Variants in TBC1D4 observed in about 807,000 individuals in gnomAD.
The protein encoded by TBC1D4 is TBC (Tre-2, BUB2, CDC16) domain-containing protein.
TBC1D4 carries 121 observed loss-of-function variants against 142.5 expected under a neutral mutation model. The observed-to-expected ratio is 0.85, with a 90% CI of 0.73 to 0.99. The LOEUF (loss-of-function observed/expected upper bound fraction) is 0.99, where lower values mean the gene tolerates loss of function less well. Among genes scored for constraint, TBC1D4 ranks in the 50% least tolerant of loss-of-function variants. The pLI is 0.00. For missense variants in TBC1D4, 1,475 were observed against 1,606.6 expected, an observed-to-expected ratio of 0.92 and a Z score of 1.40; for synonymous variants, 630 against 628.2, an observed-to-expected ratio of 1.00 and a Z score of -0.04.
At position 75,457,296 on chromosome 13, in the gene TBC1D4, T is replaced by C. The variant is rs538733844; in HGVS notation, c.498+23974A>G. On this transcript the variant is annotated intron_variant, in intron 1 of 20. Coordinates refer to ENST00000377636, the MANE Select transcript of TBC1D4 (RefSeq NM_014832.5). ...ATACTGACAGACCTTAGGGCCAGGGTCCTCTATTGATACTTTTGCCCAGAT... is the reference window on the plus strand; with the variant it reads ...ATACTGACAGACCTTAGGGCCAGGGCCCTCTATTGATACTTTTGCCCAGAT... Among the ~76,000 whole-genome samples the C allele has an allele frequency of 2.0e-5, 3 of 152,162 alleles. No homozygotes were observed. The East Asian group carries it at 5.8e-4, about 29-fold the overall frequency.
chr13:75,457,880 AG>A (rs1887803936), intron 1 of TBC1D4, among the ~76,000 whole-genome samples: 1 of 152,156 alleles, frequency 6.6e-6, no homozygotes, highest in African/African-American at 2.4e-5. Flanking sequence ...CTCCTCTGCT[AG>A]GTCAGCCCTG....
At chr13:75,375,385 A>G (rs1593810185) in intron 1 of TBC1D4, 1 of 152,208 alleles carries the variant, frequency 6.6e-6, no homozygotes, top group East Asian at 1.9e-4. Flanking sequence ...TAACCAGTAC[A>G]CAACTCTGGG....
In TBC1D4 at chr13:75,448,876, T is replaced by C. The variant is rs80162057; in HGVS notation, c.498+32394A>G. The stretch of plus-strand genomic sequence containing the variant: ...ATAATAAACTTTAGCAACTGCTTCT[T>C]TAAAAATGAATGAAACCAGTCTTTG... On this transcript the variant is annotated intron_variant, in intron 1 of 20. Coordinates refer to ENST00000377636, the MANE Select transcript of TBC1D4 (RefSeq NM_014832.5). 1.6e-3 allele frequency among the ~76,000 whole-genome samples: 248 copies of C among 152,180 alleles called. 1 individual carries two copies. Among genetic ancestry groups the C allele is most frequent in the African/African-American group, 5.8e-3 (239 of 41,558 alleles).
intron 1 of TBC1D4, among the ~76,000 whole-genome samples, chr13:75,452,588 C>A (rs1035638255): frequency 1.3e-5 from 2 of 152,106 alleles, no homozygotes; most frequent in Non-Finnish European, 2.9e-5. Context: ...TAAGAACCTG[C>A]CAACTAATTT....
At chr13:75,356,788 T>C (rs1050528424) in intron 3 of TBC1D4, among the ~76,000 whole-genome samples, 5 of 152,172 alleles carry the variant, frequency 3.3e-5, no homozygotes, top group Non-Finnish European at 1.5e-5. Flanking sequence ...TTATTGCAGG[T>C]GCCAATTATC....
At chr13:75,459,178 G>A (rs936811158) in intron 1 of TBC1D4, among the ~76,000 whole-genome samples, 1 of 152,142 alleles carries the variant, frequency 6.6e-6, no homozygotes, top group South Asian at 2.1e-4. Context: ...CCAGCCTAGG[G>A]CAAGCAATGC....
At chr13:75,295,068 C>T in intron 17 of TBC1D4, 55 bp from the exon 18 acceptor site, 1 of 1,482,934 alleles carries the variant, frequency 6.7e-7, no homozygotes, top group South Asian at 1.2e-5. Context: ...GCATGTGCAT[C>T]AAACACACTG....
At chr13:75,410,121 A>C (rs184172032) in intron 1 of TBC1D4, among the ~76,000 whole-genome samples, 1 of 152,338 alleles carries the variant, frequency 6.6e-6, no homozygotes, top group Admixed American at 6.5e-5. Context: ...TAATGTACGT[A>C]AATAACGGTG....
At chr13:75,465,407 GTGAATGAA>G (rs936941141) in intron 1 of TBC1D4, among the ~76,000 whole-genome samples, 10 of 152,320 alleles carry the variant, frequency 6.6e-5, no homozygotes, top group African/African-American at 1.9e-4. Context: ...GAATGAGCAA[GTGAATGAA>G]TGAATGAATG....
At chr13:75,365,656 A>G (rs1330278167) in intron 1 of TBC1D4, among the ~76,000 whole-genome samples, 1 of 152,226 alleles carries the variant, frequency 6.6e-6, no homozygotes, top group Non-Finnish European at 1.5e-5. Flanking sequence ...ATTTACAAAT[A>G]TTGTTGAACG....
At chr13:75,415,243 A>T (rs1230661351) in intron 1 of TBC1D4, among the ~76,000 whole-genome samples, 1 of 152,160 alleles carries the variant, frequency 6.6e-6, no homozygotes, top group African/African-American at 2.4e-5. Flanking sequence ...AATTGGTTTT[A>T]GACATACTGA....
intron 4 of TBC1D4, among the ~76,000 whole-genome samples, chr13:75,351,249 A>T (rs1197997459): frequency 6.6e-6 from 1 of 152,204 alleles, no homozygotes; most frequent in African/African-American, 2.4e-5. Context: ...TACATATTTT[A>T]TAGCATTTGA....
intron 7 of TBC1D4, among the ~76,000 whole-genome samples, chr13:75,340,598 T>C (rs79496270): frequency 6.6e-6 from 1 of 152,222 alleles, no homozygotes; most frequent in East Asian, 1.9e-4. Flanking sequence ...CACAAATTCT[T>C]TTACATTTTA....
intron 1 of TBC1D4, among the ~76,000 whole-genome samples, chr13:75,474,524 A>T (rs530898756): frequency 1.3e-5 from 2 of 152,266 alleles, no homozygotes; most frequent in South Asian, 4.1e-4. Context: ...GCGCCACTGC[A>T]CTCCAGCCTG....
At chr13:75,336,803 T>G in intron 8 of TBC1D4, 118 bp downstream of exon 8, 1 of 1,258,802 alleles carries the variant, frequency 7.9e-7, no homozygotes, top group Non-Finnish European at 1.1e-6. Flanking sequence ...AAAGTTATCT[T>G]AGGTTTTTTT....
intron 1 of TBC1D4, among the ~76,000 whole-genome samples, chr13:75,442,779 G>GAA (rs545872938): frequency 6.7e-5 from 9 of 133,550 alleles, no homozygotes; most frequent in Non-Finnish European, 1.3e-4. Context: ...CTCGGTTTCG[G>GAA]AAAAAAAAAA....
At chr13:75,369,113 T>C (rs900913843) in intron 1 of TBC1D4, among the ~76,000 whole-genome samples, 1 of 151,972 alleles carries the variant, frequency 6.6e-6, no homozygotes, top group African/African-American at 2.4e-5. Flanking sequence ...TTAGTGCTGG[T>C]GTAACAAGAC....
In TBC1D4 at chr13:75,362,305, C is replaced by G; in HGVS notation, c.801G>C (p.Leu267=). The G allele has an allele frequency of 6.2e-7, 1 of 1,613,990 alleles. No homozygotes were observed. Among genetic ancestry groups the G allele is most frequent in the Non-Finnish European group, 8.5e-7 (1 of 1,180,028 alleles). Reference sequence around the variant, plus strand: ...TGTCGGTGCCGTCAGCCTCCTCCGGCAGGCAGTCTCCGGGGGACCCGGGCA... The same window carrying G: ...TGTCGGTGCCGTCAGCCTCCTCCGGGAGGCAGTCTCCGGGGGACCCGGGCA... ...VVVPGSPGDC[L]PEEADGTDTH... is the part of the protein sequence containing the mutation. The change falls in exon 2 of 21, where the codon CTG becomes CTC. Residue 267 remains leucine, a synonymous_variant. Transcript: ENST00000377636. The surrounding 1 kb of genome is among the most constrained non-coding windows in gnomAD (Gnocchi z 4.2).
At chr13:75,289,855 T>C (rs867861469) in intron 19 of TBC1D4, among the ~76,000 whole-genome samples, 5 of 152,200 alleles carry the variant, frequency 3.3e-5, no homozygotes, top group East Asian at 1.9e-4. Flanking sequence ...CAACAGCTGC[T>C]ATTCAAGCAA....
Sources: allele counts gnomAD v4.1 joint callset (sites outside exome capture counted in the v4.1 genomes callset), GRCh38; gene constraint gnomAD v4.1.1; non-coding constraint Gnocchi (gnomAD v3.1); transcripts MANE v1.5; gene names NCBI Gene and HGNC (gene_info 2026-07-23, HGNC 2026-07-21).